TRMT2B: variants seen among roughly 807,000 people sequenced by gnomAD.
TRMT2B encodes the protein tRNA (uracil-5-)-methyltransferase homolog B.
TRMT2B carries 34 observed loss-of-function variants against 39.7 expected under a neutral mutation model. The ratio of observed to expected loss-of-function variants is 0.86; its 90% CI spans 0.65 to 1.14. The LOEUF (loss-of-function observed/expected upper bound fraction) is 1.14, where lower values mean the gene tolerates loss of function less well. TRMT2B is among the 50% of genes most tolerant of loss of function. The probability of loss-of-function intolerance (pLI) is 0.00; values close to 1 mark genes in which losing one functional copy is unlikely to be tolerated. For synonymous variants in TRMT2B, 132 were observed against 137.3 expected (o/e 0.96, Z 0.27); for missense variants, 318 against 377.2 (o/e 0.84, Z 1.30).
At chrX:100,975,578 T>C in the TRMT2B span, among the ~76,000 whole-genome samples, 1 of 110,771 alleles carries the variant, frequency 9.0e-6, no homozygotes, top group African/African-American at 3.3e-5. Flanking sequence ...ATGGAATGGA[T>C]GTTCTCCCCC....
chrX:101,020,804 A>G (rs1347551109), intron 10 of TRMT2B, among the ~76,000 whole-genome samples: 1 of 111,593 alleles, frequency 9.0e-6, no homozygotes, highest in Admixed American at 9.6e-5. Context: ...TGAGTAGCTA[A>G]GACTACAGGT....
chrX:101,042,212 T>C lies in TRMT2B; in HGVS notation c.78A>G (p.Pro26=). The C allele has an allele frequency of 8.2e-7, 1 of 1,212,158 alleles. No homozygotes were observed. Among genetic ancestry groups the C allele is most frequent in the Non-Finnish European group, 1.1e-6 (1 of 895,605 alleles). ...FISMVGLFSK[P]GLLPWYARNP... Reference sequence around the variant, plus strand: ...TTCTGGCATACCAGGGAAGCAGTCCTGGTTTGGAGAAGAGACCCACCATGG... The same window carrying C: ...TTCTGGCATACCAGGGAAGCAGTCCCGGTTTGGAGAAGAGACCCACCATGG... Residue 26 remains proline, a synonymous_variant, in exon 3 of 14, where the codon CCA becomes CCG. Coordinates refer to ENST00000372936, the MANE Select transcript of TRMT2B (RefSeq NM_024917.6).
Position 101,051,838 on chromosome X carries a change from C to T in TRMT2B, c.-528G>A. ...AAACCTGAGGCGGCAAACTAAAAGGCCAGCGGATGGCCTGGTTTGCTGCGG... is the reference window on the plus strand; with the variant it reads ...AAACCTGAGGCGGCAAACTAAAAGGTCAGCGGATGGCCTGGTTTGCTGCGG... On this transcript the variant is annotated 5_prime_UTR_variant, in exon 1 of 14. Transcript: ENST00000372936. 5.5e-6 allele frequency: 2 copies of T among 362,611 alleles called. No homozygotes were observed. Among genetic ancestry groups the T allele is most frequent in the Non-Finnish European group, 7.1e-6 (2 of 281,066 alleles). The allele number at this position is 362,611 out of a possible 1,213,427, so 29.9% of individuals were successfully genotyped here. A position where few individuals can be genotyped will look rare whatever the true frequency, so the allele number is the denominator to read the frequency against.
the TRMT2B span, among the ~76,000 whole-genome samples, chrX:101,004,125 C>T: frequency 5.4e-5 from 6 of 111,704 alleles, no homozygotes; most frequent in African/African-American, 1.6e-4. Flanking sequence ...CCTCAGCCTC[C>T]AAAAGTAGCT....
At chrX:100,987,699 G>C in the TRMT2B span, 7 of 622,886 alleles carry the variant, frequency 1.1e-5, no homozygotes, top group Non-Finnish European at 1.4e-5. Flanking sequence ...AATGGGGCTA[G>C]GGCAGTGCCC....
At chrX:100,980,025 T>C in the TRMT2B span, among the ~76,000 whole-genome samples, 1 of 111,177 alleles carries the variant, frequency 9.0e-6, no homozygotes, top group Non-Finnish European at 1.9e-5. Context: ...CCACGACCAC[T>C]GAGACTGTGC....
chrX:101,019,283 C>G lies in TRMT2B; in HGVS notation c.1288+1G>C. 8.3e-7 allele frequency: 1 copy of G among 1,211,353 alleles called. No individual in the cohort carries two copies. The highest frequency in any genetic ancestry group is 1.1e-6 in the Non-Finnish European group (1 of 895,438). ...ACATCAAAATAGCTGTTCATCCTTACGCAGTCCGGCACGGGCTGGGTTCAC... is the reference window on the plus strand; with the variant it reads ...ACATCAAAATAGCTGTTCATCCTTAGGCAGTCCGGCACGGGCTGGGTTCAC... On this transcript the variant is annotated splice_donor_variant, in intron 12 of 13. Transcript: ENST00000372936. LOFTEE classifies it high-confidence loss of function.
the TRMT2B span, among the ~76,000 whole-genome samples, chrX:100,988,752 T>C: frequency 9.4e-6 from 1 of 106,641 alleles, no homozygotes; most frequent in East Asian, 2.9e-4. Flanking sequence ...CCAGCACTGG[T>C]TGACATAAGA....
chrX:100,982,049 C>T, the TRMT2B span, among the ~76,000 whole-genome samples: 1 of 110,762 alleles, frequency 9.0e-6, no homozygotes, highest in African/African-American at 3.3e-5. Context: ...AACCCAACCA[C>T]TGGCACAAGC....
chrX:100,986,993 G>A, the TRMT2B span: 2 of 551,919 alleles, frequency 3.6e-6, no homozygotes, highest in Non-Finnish European at 5.6e-6. Context: ...TGTTGGGTTT[G>A]GGGCAAAGTC....
the TRMT2B span, among the ~76,000 whole-genome samples, chrX:100,989,678 A>G: frequency 1.8e-5 from 2 of 112,101 alleles, no homozygotes; most frequent in Non-Finnish European, 3.8e-5. Flanking sequence ...TACAAAAATA[A>G]GCTATGAGGG....
intron 2 of TRMT2B, among the ~76,000 whole-genome samples, chrX:101,044,857 A>C (rs1365792927): frequency 1.9e-5 from 2 of 105,734 alleles, no homozygotes; most frequent in Non-Finnish European, 3.9e-5. Context: ...AAAAAAAAAA[A>C]AAAACCCTAC....
chrX:100,987,381 T>A, the TRMT2B span: 1 of 1,208,524 alleles, frequency 8.3e-7, no homozygotes, highest in Non-Finnish European at 1.1e-6. Flanking sequence ...CTCTTCTCTT[T>A]TGTCACAGGA....
chrX:101,031,902 CAA>C (rs1389603958), intron 7 of TRMT2B, among the ~76,000 whole-genome samples: 1 of 110,505 alleles, frequency 9.0e-6, no homozygotes, highest in Non-Finnish European at 1.9e-5. Context: ...AACAAAAAGG[CAA>C]AGAGATGAAA....
At chrX:100,999,283 G>A in the TRMT2B span, among the ~76,000 whole-genome samples, 2 of 112,555 alleles carry the variant, frequency 1.8e-5, no homozygotes, top group Non-Finnish European at 3.7e-5. Context: ...ATGGAAAATT[G>A]TTAAGTGTCA....
At chrX:101,026,962 C>G (rs2087128358) in intron 7 of TRMT2B, among the ~76,000 whole-genome samples, 1 of 111,520 alleles carries the variant, frequency 9.0e-6, no homozygotes, top group Non-Finnish European at 1.9e-5. Context: ...CAACTCTGCT[C>G]CTCTTTGTCG....
At chrX:101,022,197 A>C in intron 8 of TRMT2B, 135 bp from the exon 9 acceptor site, 1 of 468,839 alleles carries the variant, frequency 2.1e-6, no homozygotes, top group Non-Finnish European at 3.8e-6. Context: ...ATAACACTTA[A>C]CATAAAGCAG....
intron 2 of TRMT2B, chrX:101,043,429 G>C (rs1356559974): frequency 1.8e-5 from 2 of 111,484 alleles, no homozygotes; most frequent in Non-Finnish European, 3.8e-5. Flanking sequence ...CATTAGCCGG[G>C]TATGGTGGCA....
At chrX:100,993,209 C>T in the TRMT2B span, among the ~76,000 whole-genome samples, 3 of 112,088 alleles carry the variant, frequency 2.7e-5, no homozygotes, top group African/African-American at 9.7e-5. Flanking sequence ...GATGGTACAG[C>T]TGATGGCTGG....
Sources: allele counts gnomAD v4.1 joint callset (sites outside exome capture counted in the v4.1 genomes callset), GRCh38; gene constraint gnomAD v4.1.1; transcripts MANE v1.5; gene names NCBI Gene and HGNC (gene_info 2026-07-23, HGNC 2026-07-21).